MALRD1: variants seen among roughly 807,000 people sequenced by gnomAD.
MALRD1 encodes MAM and LDL-receptor class A domain-containing protein 1.
A neutral mutation model predicts 242.1 loss-of-function variants in MALRD1; 247 were observed. The observed-to-expected ratio is 1.02, with a 90% CI of 0.92 to 1.13. The LOEUF is 1.13. MALRD1 is among the 50% of genes most tolerant of loss of function. The pLI is 0.00. For missense variants in MALRD1, 2,989 were observed against 2,533.1 expected (o/e 1.18, Z -3.86); for synonymous variants, 995 against 866.6 (o/e 1.15, Z -2.60).
chr10:19,364,396 A>C (rs527402742), intron 26 of MALRD1, among the ~76,000 whole-genome samples: 2 of 152,260 alleles, frequency 1.3e-5, no homozygotes, highest in African/African-American at 4.8e-5. Flanking sequence ...TAGCACTCAC[A>C]ATTTGGTTGT....
intron 29 of MALRD1, among the ~76,000 whole-genome samples, chr10:19,479,877 A>C (rs3904888): frequency 0.86 from 130,850 of 151,838 alleles, 56,546 homozygotes; most frequent in East Asian, 1. Flanking sequence ...ACATGGGGGA[A>C]AGTGTGGGGA....
intron 36 of MALRD1, among the ~76,000 whole-genome samples, chr10:19,678,459 G>T (rs1402845760): frequency 6.6e-6 from 1 of 152,016 alleles, no homozygotes; most frequent in African/African-American, 2.4e-5. Flanking sequence ...TTCATGATTT[G>T]GCTCTCTGCT....
intron 38 of MALRD1, among the ~76,000 whole-genome samples, chr10:19,699,664 C>T (rs978830565): frequency 2.0e-5 from 3 of 152,114 alleles, no homozygotes; most frequent in Admixed American, 2.0e-4. Context: ...GGAAGCATAG[C>T]ACCAGCATCT....
chr10:19,220,984 G>A (rs1379091123), intron 18 of MALRD1, among the ~76,000 whole-genome samples: 1 of 152,122 alleles, frequency 6.6e-6, no homozygotes, highest in Non-Finnish European at 1.5e-5. Context: ...TTCTCCAGTA[G>A]ATCTCTCAAC....
intron 26 of MALRD1, among the ~76,000 whole-genome samples, chr10:19,368,787 C>G (rs1198744941): frequency 6.6e-6 from 1 of 150,554 alleles, no homozygotes; most frequent in African/African-American, 2.4e-5. Context: ...CAATTTCTTT[C>G]CTCAGTGTTT....
chr10:19,279,124 G>A (rs1297461160), intron 19 of MALRD1, among the ~76,000 whole-genome samples: 3 of 152,078 alleles, frequency 2.0e-5, no homozygotes, highest in South Asian at 2.1e-4. Flanking sequence ...ATGAAGCTTC[G>A]GAGCAGCCTG....
At chr10:19,287,529 A>G (rs1297702714) in intron 21 of MALRD1, among the ~76,000 whole-genome samples, 1 of 152,074 alleles carries the variant, frequency 6.6e-6, no homozygotes, top group African/African-American at 2.4e-5. Flanking sequence ...TTATGTGAAA[A>G]TTAATAGTTT....
chr10:19,101,433 TATA>T (rs1404035934), intron 4 of MALRD1, among the ~76,000 whole-genome samples: 2 of 141,048 alleles, frequency 1.4e-5, no homozygotes, highest in African/African-American at 2.6e-5. Flanking sequence ...TAATATATAA[TATA>T]ATAATTACAT....
intron 26 of MALRD1, among the ~76,000 whole-genome samples, chr10:19,375,450 A>C (rs1046488431): frequency 3.9e-5 from 6 of 152,092 alleles, no homozygotes; most frequent in Admixed American, 6.5e-5. Context: ...ATTATAGAAC[A>C]ATATATTGGG....
In MALRD1 at chr10:19,627,861, T is replaced by C. The variant is rs774903743; in HGVS notation, c.6137+11938T>C. 2.0e-5 allele frequency among the ~76,000 whole-genome samples: 3 copies of C among 149,586 alleles called. No individual in the cohort carries two copies. The South Asian group carries it at 6.3e-4, about 31-fold the overall frequency. The stretch of plus-strand genomic sequence containing the variant: ...CACAACAGCTAGGGATTAGTCATAA[T>C]ATATACTCAAACAATAAAAATTATG... On this transcript the variant is annotated intron_variant, in intron 36 of 39. Transcript: ENST00000454679.
At chr10:19,072,639 C>G (rs1245247244) in intron 2 of MALRD1, among the ~76,000 whole-genome samples, 1 of 151,946 alleles carries the variant, frequency 6.6e-6, no homozygotes, top group East Asian at 1.9e-4. Context: ...AATTCTTCCT[C>G]TAAGAACACA....
chr10:19,233,797 G>A (rs1406541730), intron 18 of MALRD1, among the ~76,000 whole-genome samples: 1 of 151,738 alleles, frequency 6.6e-6, no homozygotes, highest in African/African-American at 2.4e-5. Context: ...AAATGAATTA[G>A]GTTATATTCC....
rs1041610483 is a variant in MALRD1, at chr10:19,204,411, C to T, written c.2208C>T (p.Phe736=). The T allele has an allele frequency of 1.2e-5, 19 of 1,537,692 alleles. No homozygotes were observed. The highest frequency in any genetic ancestry group is 1.7e-5 in the Non-Finnish European group (19 of 1,140,020). Residue 736 remains phenylalanine (F), a splice_region_variant and synonymous_variant, in exon 16 of 40, where the codon TTC becomes TTT. Transcript: ENST00000454679. The part of the protein sequence containing the change: ...SQTGPGCILS[F]WFYNYGLSVG... ...CAGGACCTGGATGCATACTTTCCTT[C>T]TGGTAAATATTAAACAAATATTTAA...
At chr10:19,288,345 T>C (rs1841240765) in intron 21 of MALRD1, among the ~76,000 whole-genome samples, 1 of 152,086 alleles carries the variant, frequency 6.6e-6, no homozygotes, top group South Asian at 2.1e-4. Context: ...GTACCATTAT[T>C]ATCGATGATA....
At chr10:19,696,116 CAG>C (rs1293509167) in intron 38 of MALRD1, among the ~76,000 whole-genome samples, 1 of 152,256 alleles carries the variant, frequency 6.6e-6, no homozygotes. Flanking sequence ...ATGTGCAAAA[CAG>C]GGGCCAAGAG....
chr10:19,104,409 G>T (rs1339261450), intron 5 of MALRD1, among the ~76,000 whole-genome samples: 1 of 152,090 alleles, frequency 6.6e-6, no homozygotes, highest in Non-Finnish European at 1.5e-5. Context: ...CCATAGACTT[G>T]AAATTGTCTT....
At chr10:19,115,570 A>G (rs921812198) in intron 5 of MALRD1, among the ~76,000 whole-genome samples, 2 of 152,174 alleles carry the variant, frequency 1.3e-5, no homozygotes, top group Admixed American at 6.5e-5. Context: ...GGAAGTTTAT[A>G]ATATATGGCT....
At chr10:19,426,960 G>A (rs751385771) in intron 28 of MALRD1, among the ~76,000 whole-genome samples, 4 of 152,108 alleles carry the variant, frequency 2.6e-5, no homozygotes, top group Non-Finnish European at 4.4e-5. Flanking sequence ...GTATGTGCAT[G>A]TCTATATTTG....
intron 28 of MALRD1, among the ~76,000 whole-genome samples, chr10:19,395,284 G>A (rs1846526886): frequency 6.6e-6 from 1 of 152,158 alleles, no homozygotes; most frequent in Admixed American, 6.5e-5. Context: ...GTGATGACAT[G>A]TGCCCAAGGT....
Sources: gnomAD v4.1 joint callset for allele counts (sites outside exome capture counted in the v4.1 genomes callset) on GRCh38, gnomAD v4.1.1 for gene constraint, MANE v1.5 for transcripts, NCBI Gene and HGNC (gene_info 2026-07-23, HGNC 2026-07-21) for gene names.